The following IBTK variants were observed in gnomAD, a reference collection of about 807,000 sequenced individuals.
IBTK encodes BTK-binding protein.
IBTK carries 83 observed loss-of-function variants against 154.9 expected under a neutral mutation model. The observed-to-expected ratio is 0.54, with a 90% CI of 0.45 to 0.64. The LOEUF (loss-of-function observed/expected upper bound fraction) is 0.64. IBTK is among the 30% of genes least tolerant of loss of function. The probability of loss-of-function intolerance (pLI) is 0.00; values close to 1 mark genes in which losing one functional copy is unlikely to be tolerated. For missense variants in IBTK, 1,332 were observed against 1,584.6 expected, an observed-to-expected ratio of 0.84 and a Z score of 2.71; for synonymous variants, 515 against 536.1, an observed-to-expected ratio of 0.96 and a Z score of 0.54.
intron 25 of IBTK, among the ~76,000 whole-genome samples, chr6:82,188,207 A>G (rs1768626492): frequency 6.6e-6 from 1 of 152,206 alleles, no homozygotes; most frequent in Admixed American, 6.5e-5. Context: ...AACTTAAGAG[A>G]AAACAATCAA....
intron 26 of IBTK, 47 bp downstream of exon 26, chr6:82,181,831 GA>G (rs763004348): frequency 7.5e-7 from 1 of 1,325,366 alleles, no homozygotes; most frequent in Non-Finnish European, 1.0e-6. Context: ...AACCACCACA[GA>G]ATATTTTAAG....
intron 2 of IBTK, 49 bp from the exon 3 acceptor site, chr6:82,234,304 T>C: frequency 1.5e-6 from 1 of 675,862 alleles, no homozygotes. Context: ...TATTATTAAT[T>C]ACCTATATCA....
rs1185210901 is a variant in IBTK at position 82,202,636 on chromosome 6, T to C, written c.2621A>G (p.Lys874Arg). ...EVALTEKLTL[K>R]NAAMLLEFAA... ...AAATTCCAGTAGCATAGCAGCATTC[T>C]TCAGGGTAACTACAAAGAAAGAAAA... is the stretch of plus-strand genomic sequence containing the variant. The change falls in exon 18 of 29, where the codon AAG (lysine) becomes AGG (arginine). Residue 874 changes from lysine (K) to arginine (R), a missense_variant. Coordinates refer to ENST00000306270, the MANE Select transcript of IBTK (RefSeq NM_015525.4). 3.2e-6 allele frequency: 5 copies of C among 1,581,118 alleles called. No individual in the cohort carries two copies. Among genetic ancestry groups the C allele is most frequent in the African/African-American group, 1.4e-5 (1 of 73,444 alleles).
intron 26 of IBTK, among the ~76,000 whole-genome samples, chr6:82,174,408 T>C (rs528311225): frequency 1.8e-4 from 28 of 152,068 alleles, no homozygotes; most frequent in Middle Eastern, 3.2e-3. Flanking sequence ...ATATGGAAGA[T>C]TGTATATACT....
chr6:82,214,395 T>A lies in IBTK; in HGVS notation c.2036A>T (p.Gln679Leu), dbSNP rs904806701. The A allele has an allele frequency of 6.2e-7, 1 of 1,613,942 alleles. No individual in the cohort carries two copies. The highest frequency in any genetic ancestry group is 8.5e-7 in the Non-Finnish European group (1 of 1,179,956). The change falls in exon 12 of 29, where the codon CAG (glutamine) becomes CTG (leucine). Residue 679 changes from glutamine to leucine, a missense_variant. Coordinates refer to ENST00000306270, the MANE Select transcript of IBTK (RefSeq NM_015525.4). Reference sequence around the variant, plus strand: ...TTTGTAAACTTCAAATGCAGACTTCTGGTTATCATCTTCATGGAAATTCAC... The same window carrying A: ...TTTGTAAACTTCAAATGCAGACTTCAGGTTATCATCTTCATGGAAATTCAC... The part of the protein sequence containing the change: ...NKVNFHEDDN[Q>L]KSAFEVYKSN...
chr6:82,216,875 A>G (rs1345965219), intron 10 of IBTK, among the ~76,000 whole-genome samples: 1 of 152,198 alleles, frequency 6.6e-6, no homozygotes, highest in African/African-American at 2.4e-5. Context: ...TATGAAGGTA[A>G]AGGATATAGT....
chr6:82,223,742 T>G (rs1770186125), intron 7 of IBTK, 122 bp from the exon 8 acceptor site: 6 of 759,890 alleles, frequency 7.9e-6, no homozygotes, highest in Non-Finnish European at 1.3e-5. Context: ...GCAGATCCCT[T>G]GAGCCCTGGA....
chr6:82,217,516 A>G (rs942100147), intron 10 of IBTK, among the ~76,000 whole-genome samples: 1 of 152,204 alleles, frequency 6.6e-6, no homozygotes, highest in African/African-American at 2.4e-5. Flanking sequence ...TATCTGGCAC[A>G]TAGTAAATAT....
Position 82,194,660 on chromosome 6 carries a change from A to G in IBTK, c.3175-18T>C, listed in dbSNP as rs766230588. 7 of 1,550,902 alleles carry G rather than the reference A, an allele frequency of 4.5e-6. No homozygotes were observed. The Middle Eastern group carries it at 5.2e-4, about 114-fold the overall frequency. On this transcript the variant is annotated intron_variant, in intron 22 of 28. Transcript: ENST00000306270. ...ACTTTCGCCTGGGGAGAGAAAAAAA[A>G]TAAAAAAAGTTAACAGGCACCTAGA...
At chr6:82,203,519 A>G (rs900848975) in intron 17 of IBTK, among the ~76,000 whole-genome samples, 1 of 152,168 alleles carries the variant, frequency 6.6e-6, no homozygotes, top group Non-Finnish European at 1.5e-5. Context: ...TACATTTTCA[A>G]CTAATGATGA....
chr6:82,216,781 G>A (rs112854822), intron 10 of IBTK, among the ~76,000 whole-genome samples: 3,684 of 152,174 alleles, frequency 0.024, 90 homozygotes, highest in Admixed American at 0.075. Context: ...AGACAGACAT[G>A]TGCCTGCTCT....
chr6:82,175,516 A>G (rs990432310), intron 26 of IBTK, among the ~76,000 whole-genome samples: 4 of 152,210 alleles, frequency 2.6e-5, no homozygotes, highest in Admixed American at 6.5e-5. Context: ...GGAGTCTGTC[A>G]AAATTTCTTC....
chr6:82,222,203 G>A (rs1007486240), intron 8 of IBTK, among the ~76,000 whole-genome samples: 18 of 150,592 alleles, frequency 1.2e-4, no homozygotes, highest in African/African-American at 4.4e-4. Context: ...GTTACTCAAA[G>A]AAGGTAAGTT....
intron 24 of IBTK, 107 bp downstream of exon 24, chr6:82,191,680 C>T: frequency 1.3e-6 from 1 of 767,786 alleles, no homozygotes; most frequent in South Asian, 1.4e-5. Flanking sequence ...GTATAATTAA[C>T]TATAACATCA....
At chr6:82,238,581 G>A (rs1207917677) in intron 2 of IBTK, among the ~76,000 whole-genome samples, 3 of 151,964 alleles carry the variant, frequency 2.0e-5, no homozygotes, top group Non-Finnish European at 4.4e-5. Flanking sequence ...AGGATTACAG[G>A]CATGTGCCAC....
In IBTK at chr6:82,204,954, A is replaced by G; in HGVS notation, c.2514T>C (p.Ser838=). Residue 838 remains serine (S), a synonymous_variant, in exon 17 of 29, where the codon TCT becomes TCC. Transcript: ENST00000306270. ...CACTACAAATAAAATCTACATTTTG[A>G]GATTCTAAAAAAAGAAAGAAAACAA... ...YTDEAVVIKE[S]QNVDFICSVL... 1 of 1,578,602 alleles carries G rather than the reference A, an allele frequency of 6.3e-7. No homozygotes were observed. Among genetic ancestry groups the G allele is most frequent in the South Asian group, 1.2e-5 (1 of 85,524 alleles).
At chr6:82,223,721 G>A (rs1283755244) in intron 7 of IBTK, 101 bp from the exon 8 acceptor site, 6 of 930,722 alleles carry the variant, frequency 6.4e-6, no homozygotes, top group Non-Finnish European at 9.6e-6. Context: ...CACTTGGGGA[G>A]GCCAAGGTGG....
chr6:82,201,599 C>A, intron 18 of IBTK, 117 bp from the exon 19 acceptor site: 2 of 640,556 alleles, frequency 3.1e-6, no homozygotes, highest in African/African-American at 1.9e-5. Context: ...ATTTTTTAAG[C>A]ATTATATATA....
chr6:82,240,099 G>A, intron 2 of IBTK, 67 bp downstream of exon 2: 2 of 1,341,830 alleles, frequency 1.5e-6, no homozygotes, highest in East Asian at 2.3e-5. Flanking sequence ...CATGTAGGAT[G>A]TATGAAAATG....
Sources: gnomAD v4.1 joint callset for allele counts (sites outside exome capture counted in the v4.1 genomes callset) on GRCh38, gnomAD v4.1.1 for gene constraint, MANE v1.5 for transcripts, NCBI Gene and HGNC (gene_info 2026-07-23, HGNC 2026-07-21) for gene names.